ERG: variants seen among roughly 807,000 people sequenced by gnomAD.
ERG encodes the protein transcriptional regulator ERG.
In ERG, 9 loss-of-function variants were observed where a neutral mutation model predicts 55.3. The ratio of observed to expected loss-of-function variants is 0.16; its 90% confidence interval spans 0.10 to 0.28. The LOEUF (loss-of-function observed/expected upper bound fraction) is 0.28. ERG is among the 10% of genes least tolerant of loss of function. The pLI, the probability that ERG is intolerant of heterozygous loss-of-function variation, is 1.00. For synonymous variants in ERG, 223 were observed against 237.3 expected (o/e 0.94, Z 0.55); for missense variants, 434 against 631.6 (o/e 0.69, Z 3.35).
At position 38,381,985 on chromosome 21, in the gene ERG, C is replaced by T; in HGVS notation, c.*1418G>A. The T allele has an allele frequency of 9.4e-7, 1 of 1,061,508 alleles. No individual in the cohort carries two copies. The highest frequency in any genetic ancestry group is 1.1e-6 in the Non-Finnish European group (1 of 876,702). 65.8% of individuals were successfully genotyped at this position (1,061,508 alleles called of 1,614,324 possible). A position where few individuals can be genotyped will look rare whatever the true frequency, so the allele number is the denominator to read the frequency against. On this transcript the variant is annotated 3_prime_UTR_variant, in exon 10 of 10. Coordinates refer to ENST00000288319, the MANE Select transcript of ERG (RefSeq NM_182918.4). ...TTCAGCACATGTTTTCATTAAGCAA[C>T]TTTAGTCACTAAAAAAAGTGCAAAT...
intron 2 of ERG, among the ~76,000 whole-genome samples, chr21:38,546,273 T>C (rs930389500): frequency 6.6e-6 from 1 of 152,194 alleles, no homozygotes; most frequent in Non-Finnish European, 1.5e-5. Context: ...CTTCCTCTAC[T>C]CACACAGAAG....
intron 2 of ERG, among the ~76,000 whole-genome samples, chr21:38,540,196 A>C (rs973436032): frequency 6.6e-6 from 1 of 152,164 alleles, no homozygotes; most frequent in African/African-American, 2.4e-5. Flanking sequence ...TGCCAGTTAA[A>C]AGAAAAAAAA....
At chr21:38,367,665 G>C in the ERG span, 2 of 510,190 alleles carry the variant, frequency 3.9e-6, no homozygotes, top group Non-Finnish European at 7.7e-6. Context: ...AAAAAGGGTG[G>C]GGAAATTAAG....
chr21:38,651,506 A>G (rs463530), intron 1 of ERG, among the ~76,000 whole-genome samples: 110,242 of 152,100 alleles, frequency 0.72, 40,228 homozygotes, highest in South Asian at 0.81. Flanking sequence ...TTCATATAGA[A>G]AAAAAATAAA....
At chr21:38,574,699 T>C (rs1409433402) in intron 2 of ERG, among the ~76,000 whole-genome samples, 2 of 152,236 alleles carry the variant, frequency 1.3e-5, no homozygotes, top group African/African-American at 4.8e-5. Flanking sequence ...TATCACAAAC[T>C]TTGCTTTCAA....
intron 2 of ERG, among the ~76,000 whole-genome samples, chr21:38,506,445 C>CA (rs200950603): frequency 6.1e-4 from 92 of 151,608 alleles, no homozygotes; most frequent in Admixed American, 1.6e-3. Context: ...CTTCCTTTCT[C>CA]AAAAAAAACG....
intron 2 of ERG, among the ~76,000 whole-genome samples, chr21:38,530,588 C>A (rs2836474): frequency 6.6e-6 from 1 of 151,944 alleles, no homozygotes; most frequent in Non-Finnish European, 1.5e-5. Flanking sequence ...GTCCTCAATT[C>A]GGTGTAGAAT....
At chr21:38,469,623 T>G (rs1251727417) in intron 1 of ERG, among the ~76,000 whole-genome samples, 1 of 152,210 alleles carries the variant, frequency 6.6e-6, no homozygotes, top group Non-Finnish European at 1.5e-5. Context: ...TATGATATAA[T>G]AAATTATCTT....
chr21:38,616,084 A>C lies in ERG; in HGVS notation c.-149-31139T>G, dbSNP rs540774161. ...AGTTCCCCCATGCTGTTCTCATGAT[A>C]GTAAGTTCTCATGAGATCAGATGAT... On this transcript the variant is annotated intron_variant, in intron 1 of 10. Transcript: ENST00000398910. Among the ~76,000 whole-genome samples, 4 of 152,232 alleles carry C rather than the reference A, an allele frequency of 2.6e-5. No individual in the cohort carries two copies. The East Asian group carries it at 7.7e-4, about 29-fold the overall frequency.
chr21:38,373,877 CTATT>C, the ERG span, among the ~76,000 whole-genome samples: 5 of 149,922 alleles, frequency 3.3e-5, no homozygotes, highest in Non-Finnish European at 7.4e-5. Context: ...TCTTTGTAAA[CTATT>C]TTTTTTTAAG....
intron 2 of ERG, among the ~76,000 whole-genome samples, chr21:38,534,406 C>T (rs576032097): frequency 1.3e-5 from 2 of 152,278 alleles, no homozygotes; most frequent in Non-Finnish European, 2.9e-5. Flanking sequence ...AAGCTTCTGA[C>T]TTCAACATAT....
At chr21:38,426,539 T>C (rs991176531) in intron 2 of ERG, among the ~76,000 whole-genome samples, 2 of 152,200 alleles carry the variant, frequency 1.3e-5, no homozygotes, top group Non-Finnish European at 2.9e-5. Context: ...TAGACAGCTG[T>C]TATCAAGTGC....
chr21:38,533,414 C>T (rs775299576), intron 2 of ERG, among the ~76,000 whole-genome samples: 22 of 152,256 alleles, frequency 1.4e-4, no homozygotes, highest in Non-Finnish European at 2.2e-4. Context: ...ACGTACATGC[C>T]GGGAAGGCCT....
chr21:38,428,384 G>A (rs1382913220), intron 2 of ERG, among the ~76,000 whole-genome samples: 9 of 152,134 alleles, frequency 5.9e-5, no homozygotes. Context: ...ACATCGCCGG[G>A]AAAAAGTTCC....
intron 2 of ERG, among the ~76,000 whole-genome samples, chr21:38,572,365 C>CAAAAAAAAAAAAAAAAAAA (rs758324053): frequency 1.5e-5 from 1 of 66,988 alleles, no homozygotes. Context: ...GAGACTCCAT[C>CAAAAAAAAAAAAAAAAAAA]AAAAAAAAAA....
At chr21:38,646,335 C>T (rs2060456591) in intron 1 of ERG, among the ~76,000 whole-genome samples, 1 of 151,090 alleles carries the variant, frequency 6.6e-6, no homozygotes, top group South Asian at 2.1e-4. Context: ...CTTCTGCACT[C>T]ATGGTAACAT....
intron 2 of ERG, among the ~76,000 whole-genome samples, chr21:38,541,992 G>A (rs1263578962): frequency 2.0e-5 from 3 of 151,810 alleles, no homozygotes; most frequent in Admixed American, 6.6e-5. Context: ...CACTGTTTTT[G>A]TTTGTTTGTT....
intron 2 of ERG, among the ~76,000 whole-genome samples, chr21:38,553,640 T>C (rs374030693): frequency 1.8e-3 from 272 of 152,228 alleles, no homozygotes; most frequent in African/African-American, 6.1e-3. Flanking sequence ...ATGCAGAAGA[T>C]TGAAACTAGA....
intron 1 of ERG, among the ~76,000 whole-genome samples, chr21:38,621,051 C>T (rs1384923921): frequency 2.0e-5 from 3 of 152,196 alleles, no homozygotes; most frequent in South Asian, 4.1e-4. Flanking sequence ...CCAAGTAAGA[C>T]GTCAAGTAAA....
Sources: allele counts gnomAD v4.1 joint callset (sites outside exome capture counted in the v4.1 genomes callset), GRCh38; gene constraint gnomAD v4.1.1; transcripts MANE v1.5; gene names NCBI Gene and HGNC (gene_info 2026-07-23, HGNC 2026-07-21).